The following C4orf51 variants were observed in gnomAD, a reference collection of about 807,000 sequenced individuals.
C4orf51 encodes the protein uncharacterized protein C4orf51.
A neutral mutation model predicts 25.2 loss-of-function variants in C4orf51; 25 were observed. The ratio of observed to expected loss-of-function variants is 0.99; its 90% CI spans 0.72 to 1.39. C4orf51 has a LOEUF of 1.39. Ranked by LOEUF, C4orf51 falls within the 40% of genes most tolerant of loss-of-function variation. The probability of loss-of-function intolerance (pLI) is 0.00; values close to 1 mark genes in which losing one functional copy is unlikely to be tolerated. For synonymous variants in C4orf51, 100 were observed against 84.5 expected (o/e 1.18, Z -1.01); for missense variants, 252 against 239.6 (o/e 1.05, Z -0.34).
At chr4:145,786,185 G>A in the C4orf51 span, among the ~76,000 whole-genome samples, 9 of 152,142 alleles carry the variant, frequency 5.9e-5, no homozygotes, top group Admixed American at 2.6e-4. Context: ...ACTTTAGTTT[G>A]TTTCCTTTCA....
downstream of C4orf51, among the ~76,000 whole-genome samples, chr4:145,733,180 C>T (rs951425573): frequency 6.6e-6 from 1 of 152,124 alleles, no homozygotes; most frequent in Non-Finnish European, 1.5e-5. Flanking sequence ...CTCCCCTCCC[C>T]GGTCCGCCTC....
At chr4:145,775,245 C>G (rs1184022007), downstream of C4orf51, among the ~76,000 whole-genome samples, 1 of 152,152 alleles carries the variant, frequency 6.6e-6, no homozygotes, top group African/African-American at 2.4e-5. Context: ...TGGCAACTCT[C>G]TAGGACAAGA....
chr4:145,703,767 T>A (rs968058693), intron 2 of C4orf51, among the ~76,000 whole-genome samples: 4 of 152,242 alleles, frequency 2.6e-5, no homozygotes, highest in African/African-American at 9.6e-5. Context: ...TATTTTGAGT[T>A]GATTTTTGTG....
chr4:145,752,673 A>C (rs72952674), intron 1 of C4orf51, among the ~76,000 whole-genome samples: 29,241 of 152,076 alleles, frequency 0.19, 3,802 homozygotes, highest in East Asian at 0.67. Context: ...AGTAGGTCGT[A>C]TACCCTCTAA....
chr4:145,703,973 G>A (rs1045642805), intron 2 of C4orf51, among the ~76,000 whole-genome samples: 1 of 152,208 alleles, frequency 6.6e-6, no homozygotes, highest in African/African-American at 2.4e-5. Context: ...ATCCACGGGA[G>A]CCTTCAGAAT....
intron 2 of C4orf51, among the ~76,000 whole-genome samples, chr4:145,712,413 AATG>A (rs1731181985): frequency 6.6e-6 from 1 of 152,242 alleles, no homozygotes; most frequent in African/African-American, 2.4e-5. Context: ...TGAACGCACA[AATG>A]ATAAGAAAGC....
rs888380030 is a variant in C4orf51, at chr4:145,750,420, T to G, written n.168-3787T>G. Among the ~76,000 whole-genome samples, 158 of 151,094 alleles carry G rather than the reference T, an allele frequency of 1.0e-3. 1 individual carries two copies. The highest frequency in any genetic ancestry group is 3.4e-3 in the Middle Eastern group (1 of 294). ...ACTATTCTAGGGTAAAAGTTTTTTT[T>G]TTTTTTTTTTTTTTCCTTTAGCTCT... On this transcript the variant is annotated intron_variant and non_coding_transcript_variant, in intron 1 of 1. Coordinates refer to the C4orf51 transcript ENST00000508981.
At position 145,732,491 on chromosome 4, in the gene C4orf51, A is replaced by G; in HGVS notation, c.540A>G (p.Ser180=). ...GRCDSESKVC[S]SEDSEADRYS... is the part of the protein sequence containing the mutation. ...GCGATTCTGAAAGCAAGGTTTGCTC[A>G]TCTGAGGATTCAGAAGCTGATCGAT... The change falls in exon 6 of 6, where the codon TCA becomes TCG. Residue 180 remains serine (S), a synonymous_variant. Transcript: ENST00000438731. 6.2e-7 allele frequency: 1 copy of G among 1,611,456 alleles called. No homozygotes were observed. The highest frequency in any genetic ancestry group is 8.5e-7 in the Non-Finnish European group (1 of 1,179,002).
At chr4:145,735,921 T>C (rs1579013228), downstream of C4orf51, among the ~76,000 whole-genome samples, 1 of 152,194 alleles carries the variant, frequency 6.6e-6, no homozygotes, top group Non-Finnish European at 1.5e-5. Context: ...ATTTTATTTA[T>C]GATGTGACAC....
At chr4:145,689,631 A>G (rs909075087) in intron 1 of C4orf51, among the ~76,000 whole-genome samples, 5 of 152,180 alleles carry the variant, frequency 3.3e-5, no homozygotes, top group Non-Finnish European at 7.3e-5. Context: ...CACCCTCCAG[A>G]AAAGTTAAAA....
intron 1 of C4orf51, among the ~76,000 whole-genome samples, chr4:145,690,400 G>A (rs922812373): frequency 6.6e-6 from 1 of 151,942 alleles, no homozygotes; most frequent in East Asian, 1.9e-4. Context: ...AGCTACTCGG[G>A]AGGCTGAGGC....
chr4:145,750,739 C>G (rs1233759853), intron 1 of C4orf51, among the ~76,000 whole-genome samples: 1 of 152,150 alleles, frequency 6.6e-6, no homozygotes, highest in African/African-American at 2.4e-5. Flanking sequence ...CTACCCCTAT[C>G]TATTTCTCTA....
chr4:145,708,749 C>T (rs1730972742), intron 2 of C4orf51, among the ~76,000 whole-genome samples: 1 of 152,234 alleles, frequency 6.6e-6, no homozygotes, highest in Non-Finnish European at 1.5e-5. Flanking sequence ...TGTCTCTGTG[C>T]TATGGGTCTA....
intron 1 of C4orf51, among the ~76,000 whole-genome samples, chr4:145,681,420 T>C (rs17744615): frequency 0.13 from 20,310 of 152,232 alleles, 1,422 homozygotes; most frequent in Admixed American, 0.2. Context: ...GGGTGCCTTA[T>C]CTGGTTTAGT....
rs77372003 is a variant in C4orf51, at chr4:145,765,857, T to C, written n.167-5131T>C. The C allele has an allele frequency of 0.022, 22,361 of 1,014,864 alleles. 317 individuals carry two copies. The highest frequency in any genetic ancestry group is 0.025 in the Non-Finnish European group (18,007 of 711,086). The allele number at this position is 1,014,864 out of a possible 1,614,324, so 62.9% of individuals were successfully genotyped here. Reference sequence around the variant, plus strand: ...TCATCATTCTGGGGGCACAGGCTCATGTCCCCAGCTCCCCCACTGCTGGGG... The same window carrying C: ...TCATCATTCTGGGGGCACAGGCTCACGTCCCCAGCTCCCCCACTGCTGGGG... On this transcript the variant is annotated intron_variant and non_coding_transcript_variant, in intron 1 of 1. Transcript: ENST00000510096. This position sits in a 1 kb window ranked among gnomAD's most constrained non-coding sequence, Gnocchi z 4.7.
At chr4:145,769,667 A>G (rs925694830) in intron 1 of C4orf51, among the ~76,000 whole-genome samples, 6 of 152,174 alleles carry the variant, frequency 3.9e-5, no homozygotes, top group African/African-American at 1.4e-4. Flanking sequence ...GGAAAGAGCC[A>G]GGGTGCCCTT....
intron 1 of C4orf51, among the ~76,000 whole-genome samples, chr4:145,687,542 T>A (rs1249602296): frequency 6.6e-6 from 1 of 152,222 alleles, no homozygotes; most frequent in Non-Finnish European, 1.5e-5. Flanking sequence ...TCTGTGTCAG[T>A]CTTGGACTCC....
intron 2 of C4orf51, among the ~76,000 whole-genome samples, chr4:145,716,602 A>G (rs2126738291): frequency 6.6e-6 from 1 of 152,384 alleles, no homozygotes; most frequent in African/African-American, 2.4e-5. Flanking sequence ...TGATTGTAAT[A>G]TCAAATTAGG....
intron 2 of C4orf51, among the ~76,000 whole-genome samples, chr4:145,710,908 G>C (rs2126726763): frequency 6.6e-6 from 1 of 152,204 alleles, no homozygotes; most frequent in African/African-American, 2.4e-5. Context: ...AGATCACTTG[G>C]TGACCATCCA....
Sources: allele counts gnomAD v4.1 joint callset (sites outside exome capture counted in the v4.1 genomes callset), GRCh38; gene constraint gnomAD v4.1.1; non-coding constraint Gnocchi (gnomAD v3.1); transcripts MANE v1.5; gene names NCBI Gene and HGNC (gene_info 2026-07-23, HGNC 2026-07-21).